KLF12: variants seen among roughly 807,000 people sequenced by gnomAD.
KLF12 encodes the protein KLF transcription factor 12.
Under a neutral mutation model 37.8 loss-of-function variants are expected in KLF12, and 9 were observed. The ratio of observed to expected loss-of-function variants is 0.24; its 90% CI spans 0.14 to 0.42. The LOEUF (loss-of-function observed/expected upper bound fraction) is 0.42. Among genes scored for constraint, KLF12 ranks in the 10% least tolerant of loss-of-function variants. The pLI is 1.00. For synonymous variants in KLF12, 208 were observed against 202.1 expected (o/e 1.03, Z -0.25); for missense variants, 411 against 516.0 (o/e 0.80, Z 1.97).
At chr13:74,199,742 C>T in the KLF12 span, among the ~76,000 whole-genome samples, 2 of 152,128 alleles carry the variant, frequency 1.3e-5, no homozygotes, top group South Asian at 4.1e-4. Context: ...AGAAAGTTCT[C>T]CAAGTCATGG....
At chr13:73,762,570 C>T (rs1041475576) in intron 6 of KLF12, among the ~76,000 whole-genome samples, 2 of 152,190 alleles carry the variant, frequency 1.3e-5, no homozygotes, top group Middle Eastern at 3.4e-3. Context: ...GGGGTATTTG[C>T]TAAGCTACCT....
At chr13:74,208,820 C>G in the KLF12 span, among the ~76,000 whole-genome samples, 1,478 of 152,048 alleles carry the variant, frequency 9.7e-3, 20 homozygotes, top group African/African-American at 0.032. Flanking sequence ...AAAAATTTTT[C>G]TTTAAAAAAG....
At chr13:74,264,400 C>G in the KLF12 span, among the ~76,000 whole-genome samples, 1 of 152,148 alleles carries the variant, frequency 6.6e-6, no homozygotes, top group Non-Finnish European at 1.5e-5. Flanking sequence ...AAAGGGTAGT[C>G]TTGAGTTGCC....
chr13:74,102,565 C>A (rs34601091), intron 1 of KLF12, among the ~76,000 whole-genome samples: 2,465 of 152,054 alleles, frequency 0.016, 46 homozygotes, highest in Middle Eastern at 0.034. Context: ...GGCATTTTGG[C>A]AGGTGCCTGT....
chr13:74,014,128 A>G (rs1160302900), intron 1 of KLF12, among the ~76,000 whole-genome samples: 1 of 152,182 alleles, frequency 6.6e-6, no homozygotes, highest in Non-Finnish European at 1.5e-5. Flanking sequence ...ATTCTTCCAC[A>G]ATTTGGAGTT....
intron 1 of KLF12, among the ~76,000 whole-genome samples, chr13:74,092,811 T>G (rs532290113): frequency 6.6e-6 from 1 of 152,126 alleles, no homozygotes; most frequent in Non-Finnish European, 1.5e-5. Flanking sequence ...TAAGGAGACA[T>G]GCAAATAGCC....
intron 1 of KLF12, among the ~76,000 whole-genome samples, chr13:74,078,439 C>G (rs902162134): frequency 2.0e-5 from 3 of 152,118 alleles, no homozygotes; most frequent in African/African-American, 7.2e-5. Context: ...TTTCACCAAC[C>G]TTTTTCAAGC....
chr13:74,103,100 GA>G (rs1876452751), intron 1 of KLF12, among the ~76,000 whole-genome samples: 1 of 152,244 alleles, frequency 6.6e-6, no homozygotes, highest in African/African-American at 2.4e-5. Context: ...TAATGGGAGA[GA>G]GGGGTATGTG....
chr13:73,768,997 C>T (rs1880109437), intron 5 of KLF12, among the ~76,000 whole-genome samples: 1 of 152,026 alleles, frequency 6.6e-6, no homozygotes. Flanking sequence ...TGTATTTAAG[C>T]CCAATTGAAC....
chr13:74,030,126 T>G (rs1412799078), intron 1 of KLF12, among the ~76,000 whole-genome samples: 1 of 152,132 alleles, frequency 6.6e-6, no homozygotes, highest in Non-Finnish European at 1.5e-5. Context: ...CAAAATGTCC[T>G]TAGAGATTTG....
intron 5 of KLF12, among the ~76,000 whole-genome samples, chr13:73,807,493 A>T (rs180781388): frequency 3.9e-5 from 6 of 152,296 alleles, no homozygotes; most frequent in African/African-American, 1.2e-4. Context: ...AGCACTTCAT[A>T]TAAGCCATAT....
At chr13:73,792,384 T>C (rs928645415) in intron 5 of KLF12, among the ~76,000 whole-genome samples, 5 of 152,214 alleles carry the variant, frequency 3.3e-5, no homozygotes, top group Non-Finnish European at 5.9e-5. Flanking sequence ...ATCTTATTTT[T>C]TGTGGTATCG....
the KLF12 span, among the ~76,000 whole-genome samples, chr13:74,147,860 T>G: frequency 1.1e-4 from 17 of 152,238 alleles, no homozygotes; most frequent in African/African-American, 4.1e-4. Flanking sequence ...TTGAGCTTCT[T>G]TATCTTCTCA....
intron 6 of KLF12, among the ~76,000 whole-genome samples, chr13:73,759,712 C>T (rs539398707): frequency 3.3e-5 from 5 of 152,092 alleles, no homozygotes; most frequent in African/African-American, 7.2e-5. Flanking sequence ...TGGCATGTAA[C>T]GTTTTTGTCT....
chr13:74,282,582 C>T, the KLF12 span, among the ~76,000 whole-genome samples: 11 of 152,066 alleles, frequency 7.2e-5, no homozygotes, highest in Non-Finnish European at 1.6e-4. Flanking sequence ...GTGATGGGGA[C>T]GCACCTCCTG....
intron 1 of KLF12, among the ~76,000 whole-genome samples, chr13:74,079,341 T>C (rs1291328540): frequency 6.6e-6 from 1 of 152,194 alleles, no homozygotes; most frequent in Non-Finnish European, 1.5e-5. Flanking sequence ...TACTTGATGC[T>C]AGTGAATTGT....
chr13:73,731,060 A>G (rs1056467725), intron 6 of KLF12, among the ~76,000 whole-genome samples: 4 of 152,158 alleles, frequency 2.6e-5, no homozygotes, highest in African/African-American at 9.7e-5. Context: ...CACTCAAGTA[A>G]GTGGAGTCTA....
intron 1 of KLF12, among the ~76,000 whole-genome samples, chr13:74,076,881 T>C (rs914311673): frequency 6.6e-6 from 1 of 152,150 alleles, no homozygotes; most frequent in Middle Eastern, 3.2e-3. Flanking sequence ...CCACTTGTAA[T>C]TGAGAACCTG....
chr13:73,920,325 T>C (rs1478473005), intron 3 of KLF12, among the ~76,000 whole-genome samples: 1 of 152,128 alleles, frequency 6.6e-6, no homozygotes, highest in Non-Finnish European at 1.5e-5. Context: ...CTTGGTTGTG[T>C]CTTCATACAT....
Sources: allele counts gnomAD v4.1 joint callset (sites outside exome capture counted in the v4.1 genomes callset), GRCh38; gene constraint gnomAD v4.1.1; transcripts MANE v1.5; gene names NCBI Gene and HGNC (gene_info 2026-07-23, HGNC 2026-07-21).